Variants in CDS2 observed in about 807,000 individuals in gnomAD.
CDS2 encodes CDP-diacylglycerol synthase 2.
CDS2 carries 47 observed loss-of-function variants against 59.0 expected under a neutral mutation model. The ratio of observed to expected loss-of-function variants is 0.80; its 90% CI spans 0.63 to 1.02. CDS2 has a LOEUF of 1.02. Ranked by LOEUF, CDS2 falls within the 50% of genes least tolerant of loss-of-function variation. The probability of loss-of-function intolerance (pLI) is 0.00; values close to 1 mark genes in which losing one functional copy is unlikely to be tolerated. For missense variants in CDS2, 356 were observed against 558.9 expected (o/e 0.64, Z 3.66); for synonymous variants, 207 against 206.4 (o/e 1.00, Z -0.02).
chr20:5,127,086 T>C lies in CDS2; in HGVS notation c.-7T>C, dbSNP rs2090558892. ...GCTCGCGGCGACGTCGGGCCGATTT[T>C]CCCAGGATGACAGAGCTGAGGCAGA... On this transcript the variant is annotated 5_prime_UTR_variant, in exon 1 of 13. Transcript: ENST00000460006. 3 of 1,493,092 alleles carry C rather than the reference T, an allele frequency of 2.0e-6. No homozygotes were observed. The highest frequency in any genetic ancestry group is 2.9e-5 in the African/African-American group (2 of 68,228). 92.5% of individuals were successfully genotyped at this position (1,493,092 alleles called of 1,614,324 possible). A position where few individuals can be genotyped will look rare whatever the true frequency, so the allele number is the denominator to read the frequency against.
intron 1 of CDS2, among the ~76,000 whole-genome samples, chr20:5,150,136 G>A (rs1272252281): frequency 6.6e-6 from 1 of 152,170 alleles, no homozygotes; most frequent in Non-Finnish European, 1.5e-5. Context: ...CTTAAAAAAC[G>A]ATCCATTTTT....
At chr20:5,175,091 T>A (rs2090984754) in intron 2 of CDS2, 92 bp from the exon 3 acceptor site, 1 of 918,724 alleles carries the variant, frequency 1.1e-6, no homozygotes, top group Non-Finnish European at 1.8e-6. Context: ...AGGGCCCTCA[T>A]CTCAGGAAGA....
intron 1 of CDS2, among the ~76,000 whole-genome samples, chr20:5,164,628 GAAA>G (rs11481738): frequency 7.0e-6 from 1 of 142,776 alleles, no homozygotes; most frequent in African/African-American, 2.6e-5. Flanking sequence ...TTAATAAACT[GAAA>G]AAAAAAAAAA....
At chr20:5,158,351 T>A (rs565058615) in intron 1 of CDS2, among the ~76,000 whole-genome samples, 12 of 152,264 alleles carry the variant, frequency 7.9e-5, no homozygotes, top group African/African-American at 2.4e-4. Context: ...TTTGTATTTT[T>A]AGTACAGACG....
chr20:5,143,484 C>T (rs1447964582), intron 1 of CDS2, among the ~76,000 whole-genome samples: 2 of 152,164 alleles, frequency 1.3e-5, no homozygotes, highest in Non-Finnish European at 2.9e-5. Context: ...AGTCAAGTTC[C>T]AGAACATTCA....
At chr20:5,146,178 T>C (rs985151004) in intron 1 of CDS2, among the ~76,000 whole-genome samples, 3 of 152,196 alleles carry the variant, frequency 2.0e-5, no homozygotes, top group Admixed American at 2.0e-4. Context: ...TGCAACACTT[T>C]TGTTGACATT....
intron 1 of CDS2, among the ~76,000 whole-genome samples, chr20:5,144,293 C>T (rs1600476463): frequency 6.6e-6 from 1 of 152,146 alleles, no homozygotes. Context: ...GTTGAAGCAG[C>T]CATTGTCAGT....
At chr20:5,152,560 G>C (rs1269625061) in intron 1 of CDS2, among the ~76,000 whole-genome samples, 1 of 152,080 alleles carries the variant, frequency 6.6e-6, no homozygotes, top group Non-Finnish European at 1.5e-5. Flanking sequence ...TGGCCAACAT[G>C]GTGAAACCCT....
At chr20:5,173,202 C>T (rs546364852) in intron 1 of CDS2, among the ~76,000 whole-genome samples, 13 of 152,334 alleles carry the variant, frequency 8.5e-5, no homozygotes, top group East Asian at 1.9e-4. Context: ...CTGTTAAAAC[C>T]GGTCCCAGCC....
intron 1 of CDS2, among the ~76,000 whole-genome samples, chr20:5,162,630 T>G (rs1455947431): frequency 1.3e-5 from 2 of 152,112 alleles, no homozygotes; most frequent in African/African-American, 4.8e-5. Context: ...GGGTTGGAGA[T>G]ACAAATGTTG....
chr20:5,144,008 GCCC>G (rs2090719012), intron 1 of CDS2, among the ~76,000 whole-genome samples: 2 of 151,828 alleles, frequency 1.3e-5, no homozygotes, highest in Non-Finnish European at 2.9e-5. Context: ...CAAGTGATCC[GCCC>G]ACCTTGACTT....
At chr20:5,183,417 C>A (rs1467014816) in intron 7 of CDS2, among the ~76,000 whole-genome samples, 2 of 152,010 alleles carry the variant, frequency 1.3e-5, no homozygotes, top group Admixed American at 1.3e-4. Flanking sequence ...CTAATAGGTA[C>A]AGGAATATTT....
chr20:5,194,863 A>G lies in CDS2; in HGVS notation c.*4629A>G, dbSNP rs140522342. 7.9e-5 allele frequency: 12 copies of G among 152,210 alleles called. No homozygotes were observed. The highest frequency in any genetic ancestry group is 2.6e-4 in the African/African-American group (11 of 41,522). 9.4% of individuals were successfully genotyped at this position (152,210 alleles called of 1,614,324 possible). A position where few individuals can be genotyped will look rare whatever the true frequency, so the allele number is the denominator to read the frequency against. Reference sequence around the variant, plus strand: ...AGTGTGTTTATTAATAAGGATTGCAATAGTATAGTGCTTAATATGTGCCAG... The same window carrying G: ...AGTGTGTTTATTAATAAGGATTGCAGTAGTATAGTGCTTAATATGTGCCAG... On this transcript the variant is annotated 3_prime_UTR_variant, in exon 13 of 13. Coordinates refer to ENST00000460006, the MANE Select transcript of CDS2 (RefSeq NM_003818.4).
At chr20:5,147,645 C>G (rs1436031556) in intron 1 of CDS2, among the ~76,000 whole-genome samples, 1 of 152,130 alleles carries the variant, frequency 6.6e-6, no homozygotes, top group Non-Finnish European at 1.5e-5. Flanking sequence ...CTCAGGTGAT[C>G]TACCCTCCAT....
At chr20:5,182,266 TTG>T (rs1299938442) in intron 5 of CDS2, 119 bp from the exon 6 acceptor site, 42 of 708,444 alleles carry the variant, frequency 5.9e-5, no homozygotes, top group Non-Finnish European at 8.4e-5. Flanking sequence ...GGCTTTGACA[TTG>T]TGCACTGGTT....
At chr20:5,128,441 T>G (rs971041470) in intron 1 of CDS2, 1 of 152,192 alleles carries the variant, frequency 6.6e-6, no homozygotes, top group African/African-American at 2.4e-5. Context: ...GTTATTGCAG[T>G]TGACAGTGGA....
At position 5,189,783 on chromosome 20, in the gene CDS2, G is replaced by T; in HGVS notation, c.1150G>T (p.Asp384Tyr). The change falls in exon 12 of 13, where the codon GAC becomes TAC. Residue 384 changes from aspartate (D) to tyrosine (Y), a missense_variant. This residue lies in a region of CDS2 where 41 missense variants were observed against 104.4 expected (regional missense o/e 0.39). Coordinates refer to ENST00000460006, the MANE Select transcript of CDS2 (RefSeq NM_003818.4). ...CCATGGAGGCATCATGGATCGCTTT[G>T]ACTGCCAGTATCTGATGGCCACCTT... ...PGHGGIMDRF[D>Y]CQYLMATFVN... 6.2e-7 allele frequency: 1 copy of T among 1,614,126 alleles called. No homozygotes were observed. The highest frequency in any genetic ancestry group is 1.1e-5 in the South Asian group (1 of 91,070).
intron 1 of CDS2, among the ~76,000 whole-genome samples, chr20:5,127,913 T>G (rs112171588): frequency 6.6e-6 from 1 of 151,990 alleles, no homozygotes; most frequent in African/African-American, 2.4e-5. Context: ...AATGGCAGTA[T>G]AGGACTTTGT....
At chr20:5,162,868 G>C (rs1167069472) in intron 1 of CDS2, among the ~76,000 whole-genome samples, 1 of 152,158 alleles carries the variant, frequency 6.6e-6, no homozygotes, top group African/African-American at 2.4e-5. Flanking sequence ...GGAGGAAATG[G>C]TCAACTAGAT....
Sources: gnomAD v4.1 joint callset for allele counts (sites outside exome capture counted in the v4.1 genomes callset) on GRCh38, gnomAD v4.1.1 for gene constraint, gnomAD v4.1.1 regional missense constraint, MANE v1.5 for transcripts, NCBI Gene and HGNC (gene_info 2026-07-23, HGNC 2026-07-21) for gene names.